TMEM163: variants seen among roughly 807,000 people sequenced by gnomAD.
TMEM163 encodes transmembrane protein 163.
A neutral mutation model predicts 29.3 loss-of-function variants in TMEM163; 17 were observed. That is an observed-to-expected ratio of 0.58 (90% CI 0.40 to 0.87). The LOEUF is 0.87. Among genes scored for constraint, TMEM163 ranks in the 40% least tolerant of loss-of-function variants. TMEM163 has a pLI of 0.00. For missense variants in TMEM163, 303 were observed against 381.5 expected (o/e 0.79, Z 1.71); for synonymous variants, 157 against 160.6 (o/e 0.98, Z 0.17).
At chr2:134,531,031 A>C (rs1200610433) in intron 4 of TMEM163, among the ~76,000 whole-genome samples, 1 of 152,118 alleles carries the variant, frequency 6.6e-6, no homozygotes, top group African/African-American at 2.4e-5. Context: ...AGCTTGTATC[A>C]ATCTGGTTTT....
chr2:134,610,281 G>T (rs938917264), intron 2 of TMEM163, among the ~76,000 whole-genome samples: 1 of 152,180 alleles, frequency 6.6e-6, no homozygotes, highest in Admixed American at 6.5e-5. Flanking sequence ...CACTGTGGCC[G>T]CCAGCCACTT....
intron 2 of TMEM163, among the ~76,000 whole-genome samples, chr2:134,676,299 C>A (rs1351101405): frequency 6.6e-6 from 1 of 152,174 alleles, no homozygotes; most frequent in Non-Finnish European, 1.5e-5. Flanking sequence ...GCCCTCCATC[C>A]TTTCTCAGAA....
At chr2:134,677,707 T>C (rs1684145956) in intron 2 of TMEM163, among the ~76,000 whole-genome samples, 1 of 152,222 alleles carries the variant, frequency 6.6e-6, no homozygotes, top group Non-Finnish European at 1.5e-5. Context: ...GTCCCTGAGA[T>C]ACAGAAGAGT....
intron 2 of TMEM163, among the ~76,000 whole-genome samples, chr2:134,650,473 C>A (rs1298591308): frequency 1.4e-5 from 2 of 145,794 alleles, no homozygotes; most frequent in East Asian, 3.9e-4. Context: ...AATCTGACTT[C>A]TTCTTCTCCT....
chr2:134,629,171 T>G (rs1682917222), intron 2 of TMEM163, among the ~76,000 whole-genome samples: 1 of 152,164 alleles, frequency 6.6e-6, no homozygotes, highest in South Asian at 2.1e-4. Context: ...ATAAGAAAAC[T>G]GTGGCACAGA....
At chr2:134,494,618 T>G (rs1306814645) in intron 5 of TMEM163, among the ~76,000 whole-genome samples, 1 of 152,244 alleles carries the variant, frequency 6.6e-6, no homozygotes, top group Non-Finnish European at 1.5e-5. Context: ...AAGCCTCTCC[T>G]CTACTCCAAC....
intron 4 of TMEM163, among the ~76,000 whole-genome samples, chr2:134,506,588 TCCAC>T (rs1013732602): frequency 3.3e-5 from 5 of 152,124 alleles, no homozygotes; most frequent in Non-Finnish European, 7.4e-5. Flanking sequence ...GTTTGTGAAG[TCCAC>T]CCAGAAATAG....
At chr2:134,665,383 G>C (rs1202952234) in intron 2 of TMEM163, among the ~76,000 whole-genome samples, 1 of 152,142 alleles carries the variant, frequency 6.6e-6, no homozygotes, top group Non-Finnish European at 1.5e-5. Flanking sequence ...GATCTCATGA[G>C]ACTTATTCAC....
At chr2:134,650,797 G>T (rs1683457878) in intron 2 of TMEM163, among the ~76,000 whole-genome samples, 1 of 133,126 alleles carries the variant, frequency 7.5e-6, no homozygotes. Context: ...TGCGGTGTTT[G>T]GTTTTTTGTT....
intron 2 of TMEM163, among the ~76,000 whole-genome samples, chr2:134,587,699 C>T (rs2104799763): frequency 6.6e-6 from 1 of 152,348 alleles, no homozygotes; most frequent in East Asian, 1.9e-4. Context: ...CCAAAGGCTT[C>T]TGGCTGATGG....
chr2:134,638,894 T>C (rs752548905), intron 2 of TMEM163, among the ~76,000 whole-genome samples: 2 of 152,182 alleles, frequency 1.3e-5, no homozygotes, highest in Non-Finnish European at 2.9e-5. Context: ...GTAGATGTTT[T>C]TAACAGTGGC....
At chr2:134,550,300 G>A (rs1197775435) in intron 4 of TMEM163, among the ~76,000 whole-genome samples, 1 of 152,148 alleles carries the variant, frequency 6.6e-6, no homozygotes, top group Admixed American at 6.5e-5. Context: ...GCAACAGGAT[G>A]GATGGATGAG....
At chr2:134,676,642 C>T (rs1454633271) in intron 2 of TMEM163, among the ~76,000 whole-genome samples, 2 of 152,114 alleles carry the variant, frequency 1.3e-5, no homozygotes, top group African/African-American at 4.8e-5. Context: ...TCTTCTTGTC[C>T]TTGGAAGTCC....
At position 134,564,674 on chromosome 2, in the gene TMEM163, A is replaced by G. The variant is rs1032884497; in HGVS notation, c.323-12583T>C. Among the ~76,000 whole-genome samples, 14 of 152,190 alleles carry G rather than the reference A, an allele frequency of 9.2e-5. No individual in the cohort carries two copies. The East Asian group carries it at 2.7e-3, about 29-fold the overall frequency. On this transcript the variant is annotated intron_variant, in intron 2 of 7. Transcript: ENST00000281924. ...ATCACTAAGAAAGAGAAATCAACCC[A>G]ATAGGAAAATGGGTGAAAGACTTAA... is the stretch of plus-strand genomic sequence containing the variant.
chr2:134,462,121 G>A (rs1403800705), intron 6 of TMEM163, among the ~76,000 whole-genome samples: 1 of 151,738 alleles, frequency 6.6e-6, no homozygotes. Flanking sequence ...AGGGCCCCCT[G>A]GGAACAGGCT....
At chr2:134,595,181 G>C (rs1445013603) in intron 2 of TMEM163, among the ~76,000 whole-genome samples, 1 of 151,802 alleles carries the variant, frequency 6.6e-6, no homozygotes, top group Non-Finnish European at 1.5e-5. Flanking sequence ...TGTTACATAT[G>C]TATACATGTG....
intron 2 of TMEM163, among the ~76,000 whole-genome samples, chr2:134,579,729 C>A (rs1681648358): frequency 6.6e-6 from 1 of 152,148 alleles, no homozygotes; most frequent in South Asian, 2.1e-4. Context: ...AAAGACAGGG[C>A]AGATTGTTTA....
intron 7 of TMEM163, among the ~76,000 whole-genome samples, chr2:134,457,673 T>TC (rs1279741012): frequency 6.6e-6 from 1 of 152,104 alleles, no homozygotes; most frequent in African/African-American, 2.4e-5. Context: ...CAGGAGGGGC[T>TC]CCACTTGTGA....
At chr2:134,500,675 C>A (rs1270869211) in intron 5 of TMEM163, among the ~76,000 whole-genome samples, 2 of 151,980 alleles carry the variant, frequency 1.3e-5, no homozygotes, top group African/African-American at 4.8e-5. Context: ...TCATTCGCTA[C>A]AACACGGATG....
Sources: allele counts gnomAD v4.1 joint callset (sites outside exome capture counted in the v4.1 genomes callset), GRCh38; gene constraint gnomAD v4.1.1; transcripts MANE v1.5; gene names NCBI Gene and HGNC (gene_info 2026-07-23, HGNC 2026-07-21).